The following ARMC9 variants were observed in gnomAD, a reference collection of about 807,000 sequenced individuals.
The protein encoded by ARMC9 is lisH domain-containing protein ARMC9.
Under a neutral mutation model 107.0 loss-of-function variants are expected in ARMC9, and 94 were observed. The observed-to-expected ratio is 0.88, with a 90% CI of 0.74 to 1.04. The LOEUF is 1.04. ARMC9 is among the 50% of genes least tolerant of loss of function. ARMC9 has a pLI of 0.00. For synonymous variants in ARMC9, 380 were observed against 396.9 expected, an observed-to-expected ratio of 0.96 and a Z score of 0.51; for missense variants, 942 against 1,030.1, an observed-to-expected ratio of 0.91 and a Z score of 1.17.
intron 6 of ARMC9, among the ~76,000 whole-genome samples, chr2:231,224,023 G>A (rs1189078157): frequency 2.6e-5 from 4 of 152,004 alleles, no homozygotes; most frequent in Non-Finnish European, 5.9e-5. Flanking sequence ...GTGGAACAGG[G>A]CTACCCCATA....
chr2:231,272,565 A>G (rs2039432197), intron 13 of ARMC9, among the ~76,000 whole-genome samples: 1 of 151,554 alleles, frequency 6.6e-6, no homozygotes, highest in African/African-American at 2.4e-5. Flanking sequence ...CATTCAGGCT[A>G]GAGTGTGGTG....
chr2:231,302,697 C>A (rs1203132836), intron 19 of ARMC9, among the ~76,000 whole-genome samples: 1 of 152,116 alleles, frequency 6.6e-6, no homozygotes, highest in Non-Finnish European at 1.5e-5. Context: ...GAATTAGAAA[C>A]CAATTTTAAA....
intron 19 of ARMC9, among the ~76,000 whole-genome samples, chr2:231,323,651 G>T (rs138951856): frequency 6.6e-6 from 1 of 152,156 alleles, no homozygotes; most frequent in Non-Finnish European, 1.5e-5. Flanking sequence ...GTATCATGGC[G>T]TTCCAAAAGC....
intron 11 of ARMC9, among the ~76,000 whole-genome samples, chr2:231,260,431 G>C (rs1189098450): frequency 6.6e-6 from 1 of 152,182 alleles, no homozygotes; most frequent in African/African-American, 2.4e-5. Context: ...TAATTCATTA[G>C]CATCAGACAC....
At chr2:231,353,696 G>A (rs2045202667) in intron 21 of ARMC9, among the ~76,000 whole-genome samples, 1 of 151,672 alleles carries the variant, frequency 6.6e-6, no homozygotes, top group Admixed American at 6.5e-5. Context: ...CCTCCTAACA[G>A]TGTTCCCTGC....
chr2:231,205,577 C>T (rs932643776), intron 1 of ARMC9, among the ~76,000 whole-genome samples: 19 of 152,094 alleles, frequency 1.2e-4, no homozygotes, highest in African/African-American at 4.3e-4. Flanking sequence ...TTTGGGTACA[C>T]CTTGAGGGAG....
chr2:231,308,192 C>A (rs1178038745), intron 19 of ARMC9, among the ~76,000 whole-genome samples: 1 of 152,240 alleles, frequency 6.6e-6, no homozygotes, highest in Non-Finnish European at 1.5e-5. Context: ...GCAACACAGC[C>A]AGTATTTTCC....
At chr2:231,371,270 G>A (rs1235570665) in intron 24 of ARMC9, among the ~76,000 whole-genome samples, 1 of 152,250 alleles carries the variant, frequency 6.6e-6, no homozygotes, top group African/African-American at 2.4e-5. Flanking sequence ...TGTGTGTCCT[G>A]TGGGCTCAAC....
chr2:231,361,460 T>TAAAAAAAAAA (rs567342793), intron 23 of ARMC9, among the ~76,000 whole-genome samples: 2 of 87,648 alleles, frequency 2.3e-5, no homozygotes, highest in African/African-American at 8.5e-5. Flanking sequence ...ATCAAAAAAC[T>TAAAAAAAAAA]AAAAAAAAAA....
intron 9 of ARMC9, among the ~76,000 whole-genome samples, chr2:231,253,712 C>T (rs575378112): frequency 1.2e-4 from 19 of 152,278 alleles, no homozygotes; most frequent in Admixed American, 1.1e-3. Flanking sequence ...TGCTGCTTGT[C>T]TGAGGAGCAC....
intron 8 of ARMC9, among the ~76,000 whole-genome samples, chr2:231,237,779 ATATTTTTTTTTTTTTTTTTTT>A (rs1475206713): frequency 9.6e-5 from 3 of 31,130 alleles, no homozygotes; most frequent in African/African-American, 3.1e-4. Context: ...ATATATATAT[ATATTTTTTTTTTTTTTTTTTT>A]TTTTTTTTTT....
At chr2:231,204,103 G>A (rs2031567894) in intron 1 of ARMC9, among the ~76,000 whole-genome samples, 1 of 149,650 alleles carries the variant, frequency 6.7e-6, no homozygotes, top group African/African-American at 2.5e-5. Flanking sequence ...GAGTCCAGGA[G>A]TTTGAGGCTG....
At chr2:231,225,766 G>C (rs934076458) in intron 6 of ARMC9, among the ~76,000 whole-genome samples, 2 of 152,220 alleles carry the variant, frequency 1.3e-5, no homozygotes, top group African/African-American at 2.4e-5. Flanking sequence ...GTTTCTTTTG[G>C]AGGATGATGA....
At chr2:231,352,263 AGCCACTAG>A (rs1269195291) in intron 21 of ARMC9, among the ~76,000 whole-genome samples, 4 of 151,032 alleles carry the variant, frequency 2.6e-5, no homozygotes, top group African/African-American at 9.7e-5. Flanking sequence ...TGCCCAGCCC[AGCCACTAG>A]TACTTTTGGA....
At chr2:231,365,183 G>A (rs2045762905) in intron 23 of ARMC9, among the ~76,000 whole-genome samples, 1 of 152,314 alleles carries the variant, frequency 6.6e-6, no homozygotes, top group Middle Eastern at 3.4e-3. Flanking sequence ...GTCCAGGACG[G>A]CAGTCACCTA....
At chr2:231,330,381 A>T (rs1413369626) in intron 19 of ARMC9, among the ~76,000 whole-genome samples, 1 of 152,054 alleles carries the variant, frequency 6.6e-6, no homozygotes, top group Non-Finnish European at 1.5e-5. Flanking sequence ...GGTCCCGGAA[A>T]CCCACTACGC....
chr2:231,259,296 G>A (rs1454164973), intron 11 of ARMC9, among the ~76,000 whole-genome samples, 194 bp downstream of exon 11: 1 of 152,144 alleles, frequency 6.6e-6, no homozygotes, highest in African/African-American at 2.4e-5. Context: ...CCTATATTAT[G>A]GCAATTGTGA....
chr2:231,239,211 A>AT (rs1559335585), intron 8 of ARMC9, among the ~76,000 whole-genome samples: 1 of 152,150 alleles, frequency 6.6e-6, no homozygotes, highest in Non-Finnish European at 1.5e-5. Context: ...AGCATACATT[A>AT]TTTTTTTAAA....
At chr2:231,258,361 A>G (rs1186619324) in intron 10 of ARMC9, among the ~76,000 whole-genome samples, 2 of 151,786 alleles carry the variant, frequency 1.3e-5, no homozygotes, top group African/African-American at 4.8e-5. Context: ...TTGTGTTTTT[A>G]GTAGAGACGG....
Sources: allele counts gnomAD v4.1 joint callset (sites outside exome capture counted in the v4.1 genomes callset), GRCh38; gene constraint gnomAD v4.1.1; transcripts MANE v1.5; gene names NCBI Gene and HGNC (gene_info 2026-07-23, HGNC 2026-07-21).